The following IL18R1 variants were observed in gnomAD, a reference collection of about 807,000 sequenced individuals.
IL18R1 encodes the protein interleukin 18 receptor 1, also known as interleukin-18 receptor 1.
IL18R1 carries 40 observed loss-of-function variants against 48.5 expected under a neutral mutation model. That is an observed-to-expected ratio of 0.82 (90% CI 0.64 to 1.07). IL18R1 has a LOEUF of 1.07. IL18R1 is among the 50% of genes least tolerant of loss of function. The pLI, the probability that IL18R1 is intolerant of heterozygous loss-of-function variation, is 0.00. For synonymous variants in IL18R1, 232 were observed against 225.9 expected (o/e 1.03, Z -0.24); for missense variants, 596 against 633.7 (o/e 0.94, Z 0.64).
In IL18R1 at chr2:102,372,004, C is replaced by T; in HGVS notation, c.354C>T (p.Ser118=). Residue 118 remains serine (S), a synonymous_variant, in exon 4 of 11, where the codon AGC becomes AGT. Transcript: ENST00000233957. Reference sequence around the variant, plus strand: ...ATGTCATCAGAAGAAATAAACACAGCTGTTTCACTGAAAGACAAGTAACTA... The same window carrying T: ...ATGTCATCAGAAGAAATAAACACAGTTGTTTCACTGAAAGACAAGTAACTA... ...KLNVIRRNKH[S]CFTERQVTSK... The T allele has an allele frequency of 6.3e-7, 1 of 1,585,306 alleles. No homozygotes were observed. The highest frequency in any genetic ancestry group is 8.6e-7 in the Non-Finnish European group (1 of 1,159,332).
chr2:102,384,885 C>T lies in IL18R1; in HGVS notation c.696C>T (p.Asn232=), dbSNP rs11465644. 118 of 1,606,440 alleles carry T rather than the reference C, an allele frequency of 7.3e-5. No individual in the cohort carries two copies. Among genetic ancestry groups the T allele is most frequent in the Non-Finnish European group, 8.3e-5 (98 of 1,177,016 alleles). Reference sequence around the variant, plus strand: ...GTTGCCAACTTTTACCAGGAAAAAACGTAAGGCTCAACTGCTCTGCTTTGC... The same window carrying T: ...GTTGCCAACTTTTACCAGGAAAAAATGTAAGGCTCAACTGCTCTGCTTTGC... ...LNHVAVELGK[N]VRLNCSALLN... The change falls in exon 7 of 11, where the codon AAC becomes AAT. Residue 232 remains asparagine, a synonymous_variant. Transcript: ENST00000233957.
intron 9 of IL18R1, among the ~76,000 whole-genome samples, chr2:102,393,550 C>T (rs1472829161): frequency 1.3e-5 from 2 of 152,138 alleles, no homozygotes; most frequent in African/African-American, 4.8e-5. Context: ...AATGATGTGG[C>T]ACCATAAGAG....
chr2:102,396,383 T>C, intron 10 of IL18R1, 148 bp from the exon 11 acceptor site: 2 of 535,562 alleles, frequency 3.7e-6, no homozygotes, highest in Non-Finnish European at 6.6e-6. Context: ...AATAAGCATA[T>C]AAAATTAAGA....
intron 2 of IL18R1, among the ~76,000 whole-genome samples, chr2:102,366,621 A>G (rs1678915085): frequency 1.3e-5 from 2 of 152,104 alleles, no homozygotes; most frequent in African/African-American, 2.4e-5. Context: ...CCATTCTCAC[A>G]CTGCTAATAA....
chr2:102,363,574 A>G lies in IL18R1; in HGVS notation c.58+856A>G, dbSNP rs150528941. 4.2e-3 allele frequency among the ~76,000 whole-genome samples: 646 copies of G among 152,322 alleles called. 4 individuals carry two copies. The highest frequency in any genetic ancestry group is 0.015 in the African/African-American group (610 of 41,570). On this transcript the variant is annotated intron_variant, in intron 2 of 10. Transcript: ENST00000233957. The stretch of plus-strand genomic sequence containing the variant: ...AAACAAGTGAGTGGAAAAGCAAGGT[A>G]CAGGAAAATGTGTCATGAGTTCCAT...
intron 8 of IL18R1, 68 bp from the exon 9 acceptor site, chr2:102,389,988 C>T (rs6749014): frequency 0.47 from 714,034 of 1,507,160 alleles, 178,125 homozygotes; most frequent in African/African-American, 0.74. Flanking sequence ...TGGACAAGCA[C>T]GTGATGATGG....
intron 10 of IL18R1, among the ~76,000 whole-genome samples, chr2:102,395,217 G>A (rs1680757408): frequency 2.0e-5 from 3 of 151,954 alleles, no homozygotes; most frequent in Non-Finnish European, 1.5e-5. Context: ...AATGGCCATA[G>A]TGCCTATATT....
In IL18R1 at chr2:102,392,225, A is replaced by G. The variant is rs150452287; in HGVS notation, c.1111+2008A>G. Among the ~76,000 whole-genome samples, 740 of 152,306 alleles carry G rather than the reference A, an allele frequency of 4.9e-3. 2 individuals carry two copies. Among genetic ancestry groups the G allele is most frequent in the Non-Finnish European group, 5.1e-3 (350 of 68,012 alleles). ...AACATAAAATTAGCAAGGTTAGTGA[A>G]TTTAGCTTTGAGCCTGCATGTGCAT... is the stretch of plus-strand genomic sequence containing the variant. On this transcript the variant is annotated intron_variant, in intron 9 of 10. Transcript: ENST00000233957.
chr2:102,375,141 C>A (rs947682055), intron 4 of IL18R1, among the ~76,000 whole-genome samples: 1 of 152,196 alleles, frequency 6.6e-6, no homozygotes, highest in African/African-American at 2.4e-5. Flanking sequence ...GCAGTAGGTT[C>A]TCCTTGCTTG....
intron 1 of IL18R1, among the ~76,000 whole-genome samples, chr2:102,361,157 A>T (rs1202909246): frequency 6.6e-6 from 1 of 152,208 alleles, no homozygotes; most frequent in African/African-American, 2.4e-5. Context: ...CATCAGTCTT[A>T]ATCAGAGTGA....
rs1322593513 is a variant in IL18R1 at position 102,356,096 on chromosome 2, C to A, written c.-333C>A. The A allele has an allele frequency of 6.5e-6, 1 of 153,170 alleles. No individual in the cohort carries two copies. Among genetic ancestry groups the A allele is most frequent in the Non-Finnish European group, 1.5e-5 (1 of 68,936 alleles). The allele number at this position is 153,170 out of a possible 1,614,324, so 9.5% of individuals were successfully genotyped here. ...CTACACTCCCGGACCCGGAGCTTCG[C>A]CCGACCGCGGGCAGTGCCCACCTGC... On this transcript the variant is annotated 5_prime_UTR_variant, in exon 1 of 11. Coordinates refer to ENST00000233957, the MANE Select transcript of IL18R1 (RefSeq NM_003855.5).
In IL18R1 at chr2:102,358,199, A is replaced by G. The variant is rs575149284; in HGVS notation, c.-29+1799A>G. ...GTTCCTCATTAGAAAGAGCTTTGAA[A>G]TGGCTCTTTCCCTGTACATTATGTG... On this transcript the variant is annotated intron_variant, in intron 1 of 10. Transcript: ENST00000233957. Among the ~76,000 whole-genome samples, 61 of 151,908 alleles carry G rather than the reference A, an allele frequency of 4.0e-4. 1 individual carries two copies. The highest frequency in any genetic ancestry group is 7.4e-5 in the Non-Finnish European group (5 of 67,902).
In IL18R1 at chr2:102,397,484, G is replaced by T. The variant is rs578080650; in HGVS notation, c.*598G>T. The T allele has an allele frequency of 5.3e-5, 8 of 152,338 alleles. No individual in the cohort carries two copies. Among genetic ancestry groups the T allele is most frequent in the East Asian group, 3.8e-4 (2 of 5,328 alleles). The allele number at this position is 152,338 out of a possible 1,614,324, so 9.4% of individuals were successfully genotyped here. A position where few individuals can be genotyped will look rare whatever the true frequency, so the allele number is the denominator to read the frequency against. On this transcript the variant is annotated 3_prime_UTR_variant, in exon 11 of 11. Coordinates refer to ENST00000233957, the MANE Select transcript of IL18R1 (RefSeq NM_003855.5). Reference sequence around the variant, plus strand: ...TGCAGCCAACGGTTCTTGAAAGCTCGGTAAGGCCCTGCAACGCAGAGCCTG... The same window carrying T: ...TGCAGCCAACGGTTCTTGAAAGCTCTGTAAGGCCCTGCAACGCAGAGCCTG...
At chr2:102,371,525 T>TAC (rs377742059) in intron 3 of IL18R1, among the ~76,000 whole-genome samples, 262 of 152,284 alleles carry the variant, frequency 1.7e-3, no homozygotes, top group African/African-American at 5.9e-3. Flanking sequence ...AATATATATA[T>TAC]ACACACATTT....
chr2:102,359,669 T>C (rs1471673147), intron 1 of IL18R1, among the ~76,000 whole-genome samples: 1 of 152,084 alleles, frequency 6.6e-6, no homozygotes, highest in Admixed American at 6.6e-5. Flanking sequence ...CTCAGTGTGC[T>C]TCTGGGTGTG....
chr2:102,382,927 C>T (rs1225759918), intron 6 of IL18R1, among the ~76,000 whole-genome samples: 3 of 151,864 alleles, frequency 2.0e-5, no homozygotes, highest in African/African-American at 4.8e-5. Flanking sequence ...TTTAATTATC[C>T]TCTGGTAGTA....
chr2:102,394,808 A>G (rs891963201), intron 10 of IL18R1, among the ~76,000 whole-genome samples, 181 bp downstream of exon 10: 3 of 152,214 alleles, frequency 2.0e-5, no homozygotes, highest in African/African-American at 7.2e-5. Context: ...AGCTTCCAAT[A>G]GTCTCTTCTC....
intron 7 of IL18R1, among the ~76,000 whole-genome samples, chr2:102,386,466 A>T (rs1680233130): frequency 1.3e-5 from 2 of 152,248 alleles, no homozygotes; most frequent in Non-Finnish European, 2.9e-5. Context: ...ACGAATCTGC[A>T]TCTATGCTAA....
chr2:102,377,015 G>A (rs11465624), intron 5 of IL18R1, among the ~76,000 whole-genome samples: 159 of 152,214 alleles, frequency 1.0e-3, no homozygotes, highest in Middle Eastern at 0.01. Context: ...AGCTCCTTTC[G>A]TGATTTGAAG....
Sources: gnomAD v4.1 joint callset for allele counts (sites outside exome capture counted in the v4.1 genomes callset) on GRCh38, gnomAD v4.1.1 for gene constraint, MANE v1.5 for transcripts, NCBI Gene and HGNC (gene_info 2026-07-23, HGNC 2026-07-21) for gene names.